ELP4: variants seen among roughly 807,000 people sequenced by gnomAD.
ELP4 encodes the protein elongator complex protein 4.
ELP4 carries 51 observed loss-of-function variants against 48.9 expected under a neutral mutation model. The ratio of observed to expected loss-of-function variants is 1.04; its 90% CI spans 0.83 to 1.32. The LOEUF is 1.32. Ranked by LOEUF, ELP4 falls within the 40% of genes most tolerant of loss-of-function variation. The probability of loss-of-function intolerance (pLI) is 0.00; values close to 1 mark genes in which losing one functional copy is unlikely to be tolerated. For missense variants in ELP4, 519 were observed against 514.6 expected (o/e 1.01, Z -0.08); for synonymous variants, 210 against 189.2 (o/e 1.11, Z -0.90).
intron 3 of ELP4, among the ~76,000 whole-genome samples, chr11:31,548,811 G>C (rs565320346): frequency 1.3e-5 from 2 of 152,304 alleles, no homozygotes; most frequent in South Asian, 4.1e-4. Flanking sequence ...GAACAGAACA[G>C]AGCCCTCAGA....
chr11:31,763,822 GA>G (rs1471985188), intron 9 of ELP4, among the ~76,000 whole-genome samples: 1 of 151,858 alleles, frequency 6.6e-6, no homozygotes, highest in East Asian at 1.9e-4. Flanking sequence ...GACATCTAAA[GA>G]AATGAGTTTT....
Position 31,515,488 on chromosome 11 carries a change from G to A in ELP4, c.224-4568G>A, listed in dbSNP as rs147039428. On this transcript the variant is annotated intron_variant, in intron 1 of 9. Transcript: ENST00000640961. ...TATAGTGAGACCCCATCTCTACAAA[G>A]AATCAAAGAATTAAAAAAGAAAAAG... Among the ~76,000 whole-genome samples the A allele has an allele frequency of 8.2e-3, 1,242 of 152,054 alleles. 8 individuals are homozygous for A. The highest frequency in any genetic ancestry group is 0.017 in the Middle Eastern group (5 of 292).
At chr11:31,540,926 T>C (rs1190544542) in intron 3 of ELP4, among the ~76,000 whole-genome samples, 1 of 152,210 alleles carries the variant, frequency 6.6e-6, no homozygotes, top group Non-Finnish European at 1.5e-5. Context: ...ACTGAATCTT[T>C]AAGCCAAAGC....
chr11:31,597,320 A>C (rs888050460), intron 4 of ELP4, among the ~76,000 whole-genome samples: 33 of 152,310 alleles, frequency 2.2e-4, no homozygotes, highest in African/African-American at 7.7e-4. Context: ...AATAGAAGGA[A>C]GCTCTGTGTA....
chr11:31,775,974 A>G (rs924373132), intron 9 of ELP4, among the ~76,000 whole-genome samples: 2 of 152,048 alleles, frequency 1.3e-5, no homozygotes, highest in African/African-American at 2.4e-5. Flanking sequence ...CAAAAAATAA[A>G]TAAATAAAAA....
chr11:31,756,303 C>T (rs1238289898), intron 9 of ELP4, among the ~76,000 whole-genome samples: 1 of 152,170 alleles, frequency 6.6e-6, no homozygotes, highest in African/African-American at 2.4e-5. Flanking sequence ...CATTGATTCA[C>T]CACTGCCTTC....
intron 9 of ELP4, among the ~76,000 whole-genome samples, chr11:31,656,530 A>G (rs1034075397): frequency 9.9e-5 from 15 of 152,090 alleles, no homozygotes; most frequent in African/African-American, 3.6e-4. Flanking sequence ...CGTAATTTTT[A>G]TATAAAAATC....
At chr11:31,567,123 G>A (rs1957126156) in intron 3 of ELP4, among the ~76,000 whole-genome samples, 1 of 151,746 alleles carries the variant, frequency 6.6e-6, no homozygotes, top group South Asian at 2.1e-4. Context: ...AGTAGAGATG[G>A]GGTTTCTCCA....
At chr11:31,685,834 G>A (rs751222210) in intron 9 of ELP4, among the ~76,000 whole-genome samples, 6 of 151,674 alleles carry the variant, frequency 4.0e-5, no homozygotes, top group African/African-American at 9.7e-5. Flanking sequence ...AGGAGGCTGA[G>A]GCAGGAGAAT....
intron 9 of ELP4, among the ~76,000 whole-genome samples, chr11:31,695,322 A>G (rs550938702): frequency 1.5e-4 from 23 of 152,240 alleles, no homozygotes; most frequent in Admixed American, 6.5e-4. Context: ...TTATTTTGAG[A>G]TATGTCCCAT....
chr11:31,718,604 G>C (rs1389828410), intron 9 of ELP4, among the ~76,000 whole-genome samples: 1 of 152,186 alleles, frequency 6.6e-6, no homozygotes, highest in Non-Finnish European at 1.5e-5. Flanking sequence ...CTATGTAATG[G>C]TTGATGCTGA....
At chr11:31,564,331 T>A (rs1301456235) in intron 3 of ELP4, among the ~76,000 whole-genome samples, 6 of 152,032 alleles carry the variant, frequency 3.9e-5, no homozygotes. Context: ...AGAGTAGATT[T>A]TTTTTCCAGA....
chr11:31,653,944 AATTTGAAATATGGCTGC>A (rs1945375886), intron 9 of ELP4: 2 of 151,902 alleles, frequency 1.3e-5, no homozygotes, highest in South Asian at 4.1e-4. Context: ...GATTAGGCAG[AATTTGAAATATGGCTGC>A]ATGTTTGATG....
At chr11:31,574,045 G>A (rs769889043) in intron 3 of ELP4, among the ~76,000 whole-genome samples, 5 of 152,210 alleles carry the variant, frequency 3.3e-5, no homozygotes, top group Non-Finnish European at 7.3e-5. Context: ...ATCTCATAGA[G>A]GAATAGTTGA....
Position 31,734,747 on chromosome 11 carries a change from A to G in ELP4, c.1144-48646A>G, listed in dbSNP as rs148542711. ...ACAAATGGAAAGAAATACTGTGTTC[A>G]TAGATTGGAAGACTTGATATTGTTA... On this transcript the variant is annotated intron_variant, in intron 9 of 9. Transcript: ENST00000640961. 4.8e-3 allele frequency among the ~76,000 whole-genome samples: 724 copies of G among 152,360 alleles called. 5 individuals are homozygous for G. Among genetic ancestry groups the G allele is most frequent in the South Asian group, 0.013 (65 of 4,826 alleles).
chr11:31,759,443 G>A (rs1167402281), intron 9 of ELP4, among the ~76,000 whole-genome samples: 1 of 152,172 alleles, frequency 6.6e-6, no homozygotes, highest in Non-Finnish European at 1.5e-5. Flanking sequence ...TATCATTCAT[G>A]GATATGCAAA....
intron 9 of ELP4, chr11:31,663,156 T>C (rs1319897941): frequency 6.6e-6 from 1 of 151,990 alleles, no homozygotes; most frequent in Non-Finnish European, 1.5e-5. Flanking sequence ...TATATTTCTT[T>C]TATAAAACAT....
chr11:31,770,995 G>A (rs1948130475), intron 9 of ELP4, among the ~76,000 whole-genome samples: 1 of 152,094 alleles, frequency 6.6e-6, no homozygotes, highest in Non-Finnish European at 1.5e-5. Context: ...AGGAACATTG[G>A]GATTGAAAGA....
intron 9 of ELP4, among the ~76,000 whole-genome samples, chr11:31,738,232 CAA>C (rs57817538): frequency 1.0e-3 from 54 of 53,710 alleles, no homozygotes; most frequent in African/African-American, 3.6e-3. Context: ...CCATCTCTAC[CAA>C]AAAAAAAAAA....
Sources: allele counts gnomAD v4.1 joint callset (sites outside exome capture counted in the v4.1 genomes callset), GRCh38; gene constraint gnomAD v4.1.1; transcripts MANE v1.5; gene names NCBI Gene and HGNC (gene_info 2026-07-23, HGNC 2026-07-21).